Variants in CCDC171 observed in about 807,000 individuals in gnomAD.
CCDC171 encodes coiled-coil domain containing 171.
In CCDC171, 177 loss-of-function variants were observed where a neutral mutation model predicts 168.2. That is an observed-to-expected ratio of 1.05 (90% CI 0.93 to 1.19). The LOEUF (loss-of-function observed/expected upper bound fraction) is 1.19, where lower values mean the gene tolerates loss of function less well. CCDC171 is among the 50% of genes most tolerant of loss of function. The pLI is 0.00. For synonymous variants in CCDC171, 687 were observed against 540.8 expected (o/e 1.27, Z -3.75); for missense variants, 1,991 against 1,539.0 (o/e 1.29, Z -4.91).
At chr9:15,777,509 TA>T (rs1398223573) in intron 18 of CCDC171, 90 bp from the exon 19 acceptor site, 3 of 681,200 alleles carry the variant, frequency 4.4e-6, no homozygotes, top group East Asian at 5.5e-5. Flanking sequence ...ATTATATAAT[TA>T]AAAAATATTT....
chr9:15,745,663 T>C, intron 18 of CCDC171, 32 bp downstream of exon 18: 1 of 1,273,706 alleles, frequency 7.9e-7, no homozygotes, highest in Non-Finnish European at 1.1e-6. Flanking sequence ...CCTTGCAAAA[T>C]ACATTTAAGA....
intron 6 of CCDC171, among the ~76,000 whole-genome samples, chr9:15,609,398 C>T (rs1314342136): frequency 6.6e-6 from 1 of 152,110 alleles, no homozygotes; most frequent in East Asian, 1.9e-4. Flanking sequence ...CGTGAACCAC[C>T]GCACTTGGCC....
chr9:15,873,738 A>G (rs1000325461), intron 23 of CCDC171, among the ~76,000 whole-genome samples: 1 of 152,106 alleles, frequency 6.6e-6, no homozygotes, highest in African/African-American at 2.4e-5. Context: ...TATATTATAT[A>G]AGGAATATTT....
chr9:15,755,697 A>G (rs574188928), intron 18 of CCDC171, among the ~76,000 whole-genome samples: 73 of 152,338 alleles, frequency 4.8e-4, no homozygotes, highest in African/African-American at 1.4e-3. Context: ...GATGGTGACA[A>G]AAGATCACAT....
intron 23 of CCDC171, among the ~76,000 whole-genome samples, chr9:15,860,684 T>C (rs567559969): frequency 8.6e-5 from 13 of 152,004 alleles, no homozygotes; most frequent in Admixed American, 1.3e-4. Context: ...TGATATATCC[T>C]GGAAAATGAC....
rs78847416 is a variant in CCDC171, at chr9:15,663,573, T to C, written c.916-2590T>C. ...AGCAATACATTGTTCTTGAACACTA[T>C]GTGGAGAACTACATAGAGAATTTTC... is the stretch of plus-strand genomic sequence containing the variant. On this transcript the variant is annotated intron_variant, in intron 8 of 25. Transcript: ENST00000380701. 6.5e-3 allele frequency among the ~76,000 whole-genome samples: 982 copies of C among 151,964 alleles called. 10 individuals are homozygous for C. The highest frequency in any genetic ancestry group is 0.023 in the African/African-American group (955 of 41,474).
intron 6 of CCDC171, among the ~76,000 whole-genome samples, chr9:16,031,825 C>T (rs980239809): frequency 2.3e-4 from 35 of 152,164 alleles, no homozygotes; most frequent in African/African-American, 6.0e-4. Flanking sequence ...TACTGGACAC[C>T]ATGGTCTGTG....
chr9:15,634,742 A>T (rs772696949), intron 7 of CCDC171, among the ~76,000 whole-genome samples: 1 of 152,154 alleles, frequency 6.6e-6, no homozygotes, highest in Admixed American at 6.5e-5. Flanking sequence ...CATTACTATA[A>T]TCCATTTTGG....
intron 1 of CCDC171, among the ~76,000 whole-genome samples, chr9:16,049,387 T>C (rs1833715489): frequency 1.3e-5 from 2 of 152,192 alleles, no homozygotes; most frequent in South Asian, 4.1e-4. Context: ...TGAGGATGTT[T>C]CCAGAGATTA....
intron 3 of CCDC171, among the ~76,000 whole-genome samples, chr9:16,010,217 C>T (rs779204191): frequency 6.6e-6 from 1 of 152,124 alleles, no homozygotes; most frequent in Non-Finnish European, 1.5e-5. Flanking sequence ...CCAGCTCCTC[C>T]ACAGAATAGA....
chr9:15,648,777 G>A (rs535077600), intron 7 of CCDC171, among the ~76,000 whole-genome samples: 19 of 152,286 alleles, frequency 1.2e-4, no homozygotes, highest in African/African-American at 4.6e-4. Context: ...AACCTTCCAT[G>A]CTCATGGATA....
chr9:15,766,873 A>G (rs936946645), intron 18 of CCDC171, among the ~76,000 whole-genome samples: 1 of 152,048 alleles, frequency 6.6e-6, no homozygotes, highest in Admixed American at 6.6e-5. Context: ...TGTTGTCCAG[A>G]CTAGTCTCAA....
chr9:15,912,104 A>T (rs958379911), intron 24 of CCDC171, among the ~76,000 whole-genome samples: 1 of 152,224 alleles, frequency 6.6e-6, no homozygotes, highest in Non-Finnish European at 1.5e-5. Flanking sequence ...TGGTGGCTTG[A>T]TGGCAATGGC....
At chr9:15,769,884 A>G (rs1212033478) in intron 18 of CCDC171, among the ~76,000 whole-genome samples, 1 of 152,242 alleles carries the variant, frequency 6.6e-6, no homozygotes, top group Non-Finnish European at 1.5e-5. Context: ...AACTCCTTCA[A>G]AAGAGTTACT....
intron 7 of CCDC171, among the ~76,000 whole-genome samples, chr9:15,632,397 A>G (rs2045794999): frequency 6.6e-6 from 1 of 152,002 alleles, no homozygotes; most frequent in African/African-American, 2.4e-5. Context: ...AGAGAGCCAA[A>G]TAATGAGTGA....
chr9:15,976,727 C>T (rs1831629373), downstream of CCDC171, among the ~76,000 whole-genome samples: 1 of 151,638 alleles, frequency 6.6e-6, no homozygotes, highest in African/African-American at 2.4e-5. Flanking sequence ...CTGGTCATTT[C>T]TCCCTGCCTT....
rs199985401 is a variant in CCDC171, at chr9:15,721,828, C to T, written c.1378C>T (p.Arg460Cys). ...CTCTGTTGTCCTTGAGAGATTGAGG[C>T]GTACCTTGACAGATTACCAGAACAA... ...SFSVVLERLR[R>C]TLTDYQNKLE... The change falls in exon 12 of 26, where the codon CGT (arginine) becomes TGT (cysteine). Residue 460 changes from arginine to cysteine, a missense_variant. Transcript: ENST00000380701. 9.6e-6 allele frequency: 15 copies of T among 1,563,598 alleles called. No individual in the cohort carries two copies. Among genetic ancestry groups the T allele is most frequent in the African/African-American group, 6.9e-5 (5 of 72,394 alleles).
intron 25 of CCDC171, among the ~76,000 whole-genome samples, chr9:15,954,196 T>C (rs550228017): frequency 6.6e-6 from 1 of 151,906 alleles, no homozygotes; most frequent in African/African-American, 2.4e-5. Flanking sequence ...TTCTCTAATC[T>C]TTTTTCCCCC....
At chr9:15,683,611 A>T (rs2050185922) in intron 10 of CCDC171, among the ~76,000 whole-genome samples, 1 of 152,116 alleles carries the variant, frequency 6.6e-6, no homozygotes, top group African/African-American at 2.4e-5. Flanking sequence ...TTCATCGCGT[A>T]AGTGTCTTTG....
Sources: allele counts gnomAD v4.1 joint callset (sites outside exome capture counted in the v4.1 genomes callset), GRCh38; gene constraint gnomAD v4.1.1; transcripts MANE v1.5; gene names NCBI Gene and HGNC (gene_info 2026-07-23, HGNC 2026-07-21).